The following NEB variants were observed in gnomAD, a reference collection of about 807,000 sequenced individuals.
NEB encodes the protein nemaline myopathy type 2.
In NEB, 512 loss-of-function variants were observed where a neutral mutation model predicts 952.2. The observed-to-expected ratio is 0.54, with a 90% CI of 0.50 to 0.58. NEB has a LOEUF of 0.58. NEB is among the 20% of genes least tolerant of loss of function. The pLI is 0.00. For missense variants in NEB, 8,428 were observed against 9,231.1 expected, an observed-to-expected ratio of 0.91 and a Z score of 3.56; for synonymous variants, 2,900 against 3,149.8, an observed-to-expected ratio of 0.92 and a Z score of 2.66.
intron 161 of NEB, among the ~76,000 whole-genome samples, chr2:151,510,545 C>T (rs1402122122): frequency 3.3e-5 from 5 of 152,132 alleles, no homozygotes; most frequent in Admixed American, 3.3e-4. Context: ...TAGTCAACCT[C>T]GGTCAAAAAT....
intron 154 of NEB, 81 bp from the exon 155 acceptor site, chr2:151,519,150 A>G: frequency 1.1e-6 from 1 of 892,504 alleles, no homozygotes; most frequent in Non-Finnish European, 1.8e-6. Context: ...GAGATAGCCC[A>G]TCGTCAAACA....
chr2:151,631,358 A>C lies in NEB; in HGVS notation c.9415-12T>G, dbSNP rs1406665425. ...GACTTGTAAATATTCTGAGCAGAGG[A>C]AAAAAGTCAAAAACTCTTCATCAAG... On this transcript the variant is annotated splice_polypyrimidine_tract_variant and intron_variant, in intron 65 of 181. Coordinates refer to ENST00000397345, the MANE Select transcript of NEB (RefSeq NM_001164508.2). The C allele has an allele frequency of 1.4e-5, 23 of 1,603,032 alleles. No individual in the cohort carries two copies. The highest frequency in any genetic ancestry group is 1.8e-5 in the Non-Finnish European group (21 of 1,172,224).
At position 151,531,732 on chromosome 2, in the gene NEB, C is replaced by T. The variant is rs2091169883; in HGVS notation, c.21522+60G>A. On this transcript the variant is annotated intron_variant, in intron 144 of 181. Transcript: ENST00000397345. ...AGACTTTGTGACAATTTAAAATGCCCCTCCATGTTTGCAGATGCCCCCTGA... is the reference window on the plus strand; with the variant it reads ...AGACTTTGTGACAATTTAAAATGCCTCTCCATGTTTGCAGATGCCCCCTGA... 3.2e-5 allele frequency: 41 copies of T among 1,273,084 alleles called. No homozygotes were observed. In the South Asian group the frequency reaches 3.4e-4, roughly 11 times the overall value. 78.9% of individuals were successfully genotyped at this position (1,273,084 alleles called of 1,614,324 possible). A position where few individuals can be genotyped will look rare whatever the true frequency, so the allele number is the denominator to read the frequency against.
chr2:151,627,872 T>G lies in NEB; in HGVS notation c.9832-38A>C, dbSNP rs375112781. 4 of 1,590,396 alleles carry G rather than the reference T, an allele frequency of 2.5e-6. No homozygotes were observed. The African/African-American group carries it at 5.4e-5, about 22-fold the overall frequency. The stretch of plus-strand genomic sequence containing the variant: ...TGGTCATTTCAAAAATAAAAATGAA[T>G]AGAAAGGCTTAGAAGCCTCATTAAT... On this transcript the variant is annotated intron_variant, in intron 68 of 181. Coordinates refer to ENST00000397345, the MANE Select transcript of NEB (RefSeq NM_001164508.2).
At chr2:151,512,893 T>G in intron 160 of NEB, 56 bp from the exon 161 acceptor site, 1 of 1,211,340 alleles carries the variant, frequency 8.3e-7, no homozygotes, top group East Asian at 2.4e-5. Context: ...CAACAGTTGT[T>G]GGCTTGATTT....
chr2:151,691,089 CT>C (rs2099546262), intron 23 of NEB, among the ~76,000 whole-genome samples: 1 of 152,152 alleles, frequency 6.6e-6, no homozygotes, highest in African/African-American at 2.4e-5. Context: ...CACAGTGACT[CT>C]TTAGTCAACT....
intron 161 of NEB, 135 bp from the exon 162 acceptor site, chr2:151,508,244 A>ATGTT: frequency 3.6e-6 from 2 of 555,512 alleles, no homozygotes; most frequent in East Asian, 5.7e-5. Flanking sequence ...CTGTCCAAGG[A>ATGTT]TGTTAGGGCA....
chr2:151,537,336 A>G (rs1212684253), intron 140 of NEB, 100 bp from the exon 141 acceptor site: 1 of 662,768 alleles, frequency 1.5e-6, no homozygotes, highest in Non-Finnish European at 2.7e-6. Flanking sequence ...CTACCCCTTG[A>G]GGTATATAAA....
At chr2:151,619,413 C>T (rs1265306193) in intron 73 of NEB, 38 bp downstream of exon 73, 24 of 1,541,212 alleles carry the variant, frequency 1.6e-5, no homozygotes, top group Middle Eastern at 1.9e-4. Flanking sequence ...GTTTCAGATC[C>T]GCTTTTAACA....
At chr2:151,687,048 T>C (rs2099508428) in intron 27 of NEB, among the ~76,000 whole-genome samples, 1 of 152,226 alleles carries the variant, frequency 6.6e-6, no homozygotes, top group Non-Finnish European at 1.5e-5. Context: ...TTGTGACTCA[T>C]AAATGTCTTC....
At chr2:151,719,130 CTG>C (rs1167073960) in intron 9 of NEB, among the ~76,000 whole-genome samples, 2 of 152,176 alleles carry the variant, frequency 1.3e-5, no homozygotes, top group Admixed American at 6.5e-5. Flanking sequence ...TCAGATGACA[CTG>C]TAATTTTTTG....
chr2:151,712,381 T>C (rs1385332360), intron 10 of NEB, among the ~76,000 whole-genome samples: 1 of 152,226 alleles, frequency 6.6e-6, no homozygotes, highest in Non-Finnish European at 1.5e-5. Context: ...AGCAGGAGAT[T>C]AATTCTCACA....
chr2:151,658,110 G>C lies in NEB; in HGVS notation c.6076-20C>G. ...GAGTTTCTGTAAAGAGAGGCAAAGG[G>C]AAGAGTTTTCTTCTAAATATGAAAG... On this transcript the variant is annotated intron_variant, in intron 47 of 181. Coordinates refer to ENST00000397345, the MANE Select transcript of NEB (RefSeq NM_001164508.2). 6.7e-7 allele frequency: 1 copy of C among 1,493,416 alleles called. No individual in the cohort carries two copies. 92.5% of individuals were successfully genotyped at this position (1,493,416 alleles called of 1,614,324 possible).
rs377734027 is a variant in NEB, at chr2:151,627,153, A to G, written c.10196T>C (p.Ile3399Thr). ...QWLRGIGWVP[I>T]GSMDVVKCKR... ...GCACTTGACCACATCCATAGACCCA[A>G]TGGGGACCCAGCCAATGCCTCTCAG... is the stretch of plus-strand genomic sequence containing the variant. The change falls in exon 70 of 182, where the codon ATT becomes ACT. Residue 3399 changes from isoleucine to threonine, a missense_variant. Coordinates refer to ENST00000397345, the MANE Select transcript of NEB (RefSeq NM_001164508.2). The G allele has an allele frequency of 3.7e-5, 59 of 1,613,774 alleles. No homozygotes were observed. Among genetic ancestry groups the G allele is most frequent in the African/African-American group, 2.7e-4 (20 of 74,898 alleles).
rs747045452 is a variant in NEB at position 151,507,038 on chromosome 2, G to A, written c.23452-25C>T. 22 of 1,361,454 alleles carry A rather than the reference G, an allele frequency of 1.6e-5. No homozygotes were observed. In the South Asian group the frequency reaches 2.6e-4, roughly 16 times the overall value. The allele number at this position is 1,361,454 out of a possible 1,614,324, so 84.3% of individuals were successfully genotyped here. A position where few individuals can be genotyped will look rare whatever the true frequency, so the allele number is the denominator to read the frequency against. ...GCTATGAAGAAAGAGTAAACATCTT[G>A]TTAAGATTTCAACATTGCTTTGTTT... is the stretch of plus-strand genomic sequence containing the variant. On this transcript the variant is annotated intron_variant, in intron 162 of 181. Coordinates refer to ENST00000397345, the MANE Select transcript of NEB (RefSeq NM_001164508.2).
chr2:151,493,489 C>G (rs557288737), intron 175 of NEB, 44 bp from the exon 176 acceptor site: 1 of 1,335,442 alleles, frequency 7.5e-7, no homozygotes, highest in East Asian at 2.3e-5. Flanking sequence ...CAGCAGAAAA[C>G]CAGGTCTGAA....
chr2:151,595,682 T>C (rs1411530004), intron 92 of NEB, among the ~76,000 whole-genome samples: 1 of 64,168 alleles, frequency 1.6e-5, no homozygotes, highest in Non-Finnish European at 2.8e-5. Flanking sequence ...ATCTTGCATA[T>C]AAATATGATT....
chr2:151,595,474 T>C (rs1326877320), intron 92 of NEB, among the ~76,000 whole-genome samples: 1 of 149,802 alleles, frequency 6.7e-6, no homozygotes, highest in Non-Finnish European at 1.5e-5. Context: ...GGTTTTACCA[T>C]GTTGGCCAGG....
chr2:151,486,489 C>G (rs2050509512), intron 181 of NEB: 1 of 153,304 alleles, frequency 6.5e-6, no homozygotes, highest in African/African-American at 2.4e-5. Flanking sequence ...CCAGCAAATT[C>G]CACTCCTAGG....
Sources: gnomAD v4.1 joint callset for allele counts (sites outside exome capture counted in the v4.1 genomes callset) on GRCh38, gnomAD v4.1.1 for gene constraint, MANE v1.5 for transcripts, NCBI Gene and HGNC (gene_info 2026-07-23, HGNC 2026-07-21) for gene names.